Variants in STX12 observed in about 807,000 individuals in gnomAD.
The protein encoded by STX12 is syntaxin-12.
STX12 carries 17 observed loss-of-function variants against 42.2 expected under a neutral mutation model. The ratio of observed to expected loss-of-function variants is 0.40; its 90% CI spans 0.28 to 0.60. STX12 has a LOEUF of 0.60. Ranked by LOEUF, STX12 falls within the 20% of genes least tolerant of loss-of-function variation. The pLI is 0.39. For synonymous variants in STX12, 108 were observed against 116.7 expected (o/e 0.93, Z 0.48); for missense variants, 297 against 330.9 (o/e 0.90, Z 0.79).
At chr1:27,818,923 G>T (rs1198561730) in intron 7 of STX12, among the ~76,000 whole-genome samples, 1 of 147,302 alleles carries the variant, frequency 6.8e-6, no homozygotes, top group Non-Finnish European at 1.5e-5. Context: ...CACCACGCCT[G>T]GCCAGTAACT....
chr1:27,784,578 A>T (rs2088688362), intron 1 of STX12, among the ~76,000 whole-genome samples: 1 of 152,098 alleles, frequency 6.6e-6, no homozygotes, highest in South Asian at 2.1e-4. Context: ...ATCTGTAAAC[A>T]CGTTATTCCT....
In STX12 at chr1:27,823,858, C is replaced by G. The variant is rs1004632666; in HGVS notation, c.*1529C>G. ...AGAAAAATTGAGACTTCCAAGAAAA[C>G]TGGACACCAGGTGAGGGTTGGTTTG... On this transcript the variant is annotated 3_prime_UTR_variant, in exon 9 of 9. Coordinates refer to ENST00000373943, the MANE Select transcript of STX12 (RefSeq NM_177424.3). 6.6e-6 allele frequency: 1 copy of G among 152,396 alleles called. No homozygotes were observed. Among genetic ancestry groups the G allele is most frequent in the Non-Finnish European group, 1.5e-5 (1 of 68,050 alleles). The allele number at this position is 152,396 out of a possible 1,614,324, so 9.4% of individuals were successfully genotyped here. A position where few individuals can be genotyped will look rare whatever the true frequency, so the allele number is the denominator to read the frequency against.
Position 27,773,221 on chromosome 1 carries a change from C to G in STX12, c.-87C>G. On this transcript the variant is annotated 5_prime_UTR_variant, in exon 1 of 9. Coordinates refer to ENST00000373943, the MANE Select transcript of STX12 (RefSeq NM_177424.3). ...GCTCCTTCCCCGCCCTTGCTCTTCC[C>G]AGTTTCTCCGTCAGCCTGCGGGTCC... The G allele has an allele frequency of 1.2e-6, 1 of 862,180 alleles. No homozygotes were observed. The highest frequency in any genetic ancestry group is 2.4e-5 in the Admixed American group (1 of 42,420). 53.4% of individuals were successfully genotyped at this position (862,180 alleles called of 1,614,324 possible). A position where few individuals can be genotyped will look rare whatever the true frequency, so the allele number is the denominator to read the frequency against.
intron 2 of STX12, among the ~76,000 whole-genome samples, chr1:27,790,453 C>A (rs1368366396): frequency 1.3e-5 from 2 of 152,168 alleles, no homozygotes; most frequent in South Asian, 2.1e-4. Flanking sequence ...ACTGATTGGT[C>A]CATTTTACAA....
intron 4 of STX12, among the ~76,000 whole-genome samples, chr1:27,806,827 G>A (rs181737251): frequency 2.3e-3 from 351 of 152,248 alleles, no homozygotes; most frequent in Non-Finnish European, 3.1e-3. Flanking sequence ...GGGAGGCAAG[G>A]CATGTCTTAC....
intron 4 of STX12, among the ~76,000 whole-genome samples, chr1:27,802,290 A>G (rs547797680): frequency 4.1e-4 from 62 of 152,192 alleles, no homozygotes; most frequent in Non-Finnish European, 7.5e-4. Context: ...ACTGAAGGCA[A>G]ACTTGAACTT....
chr1:27,814,605 T>G (rs868348681), intron 6 of STX12, among the ~76,000 whole-genome samples: 2 of 151,892 alleles, frequency 1.3e-5, no homozygotes, highest in African/African-American at 4.8e-5. Flanking sequence ...TCCCAGCACT[T>G]TGGGAGGCTG....
chr1:27,776,532 A>T (rs919343961), intron 1 of STX12, among the ~76,000 whole-genome samples: 1 of 152,006 alleles, frequency 6.6e-6, no homozygotes, highest in Non-Finnish European at 1.5e-5. Context: ...TGGACAACAT[A>T]GTGAGACCCC....
At chr1:27,779,336 T>TG (rs1557797320) in intron 1 of STX12, among the ~76,000 whole-genome samples, 21 of 147,040 alleles carry the variant, frequency 1.4e-4, no homozygotes, top group African/African-American at 5.7e-4. Context: ...TGTTTTTGTT[T>TG]TTTTTTGTTT....
chr1:27,790,503 C>CA (rs2088732586), intron 2 of STX12, among the ~76,000 whole-genome samples: 1 of 152,194 alleles, frequency 6.6e-6, no homozygotes, highest in Non-Finnish European at 1.5e-5. Context: ...GTGCATTTTA[C>CA]AATCCTAGCT....
At chr1:27,773,504 G>A (rs2088609962) in intron 1 of STX12, 79 bp downstream of exon 1, 2 of 1,378,088 alleles carry the variant, frequency 1.5e-6, no homozygotes, top group East Asian at 2.3e-5. Context: ...CGCAGGGCCC[G>A]GCTGGGGCTA....
At chr1:27,803,226 C>G (rs1018204384) in intron 4 of STX12, among the ~76,000 whole-genome samples, 5 of 152,076 alleles carry the variant, frequency 3.3e-5, no homozygotes, top group Non-Finnish European at 7.4e-5. Flanking sequence ...TTCAAGAAGC[C>G]TAACAAATCC....
chr1:27,789,915 T>TATATTCTGCTC (rs1240395120), intron 2 of STX12, among the ~76,000 whole-genome samples: 2 of 152,182 alleles, frequency 1.3e-5, no homozygotes, highest in Non-Finnish European at 2.9e-5. Flanking sequence ...ACTATTAAAC[T>TATATTCTGCTC]ATATTCTGCT....
chr1:27,793,424 A>G (rs929298645), intron 2 of STX12, 109 bp from the exon 3 acceptor site: 4 of 865,864 alleles, frequency 4.6e-6, no homozygotes, highest in Non-Finnish European at 5.4e-6. Flanking sequence ...TCATTTCTTC[A>G]AATGGCCCTT....
rs565991668 is a variant in STX12 at position 27,799,187 on chromosome 1, A to G, written c.289-2491A>G. On this transcript the variant is annotated intron_variant, in intron 3 of 8. Coordinates refer to ENST00000373943, the MANE Select transcript of STX12 (RefSeq NM_177424.3). The stretch of plus-strand genomic sequence containing the variant: ...CTCTTCCAGGTTTGAAATTTCAGTC[A>G]TTCTTGACTTTATCTCTCTTTCCCC... Among the ~76,000 whole-genome samples, 4 of 152,194 alleles carry G rather than the reference A, an allele frequency of 2.6e-5. No homozygotes were observed. The South Asian group carries it at 8.3e-4, about 32-fold the overall frequency.
At chr1:27,814,319 C>T (rs1038153394) in intron 6 of STX12, among the ~76,000 whole-genome samples, 3 of 151,312 alleles carry the variant, frequency 2.0e-5, no homozygotes, top group African/African-American at 7.3e-5. Flanking sequence ...TTGCTTGAGC[C>T]CAGGAATTCA....
At chr1:27,790,274 G>A (rs916155585) in intron 2 of STX12, among the ~76,000 whole-genome samples, 1 of 152,108 alleles carries the variant, frequency 6.6e-6, no homozygotes, top group African/African-American at 2.4e-5. Context: ...AAGGTGGTGC[G>A]GACCCAAAGA....
intron 1 of STX12, among the ~76,000 whole-genome samples, chr1:27,779,801 T>G (rs1464673427): frequency 1.3e-5 from 2 of 151,992 alleles, no homozygotes; most frequent in Admixed American, 6.6e-5. Flanking sequence ...TTTTTTTTTT[T>G]AGAGAAAGAG....
chr1:27,810,369 G>A, intron 5 of STX12, 80 bp downstream of exon 5: 3 of 1,377,910 alleles, frequency 2.2e-6, no homozygotes, highest in South Asian at 1.3e-5. Flanking sequence ...AAAAATCAAT[G>A]AAAAAATAGA....
Sources: allele counts gnomAD v4.1 joint callset (sites outside exome capture counted in the v4.1 genomes callset), GRCh38; gene constraint gnomAD v4.1.1; transcripts MANE v1.5; gene names NCBI Gene and HGNC (gene_info 2026-07-23, HGNC 2026-07-21).